ABI3BP: variants seen among roughly 807,000 people sequenced by gnomAD.
The protein encoded by ABI3BP is target of Nesh-SH3.
ABI3BP carries 216 observed loss-of-function variants against 268.6 expected under a neutral mutation model. That is an observed-to-expected ratio of 0.80 (90% CI 0.72 to 0.90). The LOEUF (loss-of-function observed/expected upper bound fraction) is 0.90, where lower values mean the gene tolerates loss of function less well. ABI3BP is among the 40% of genes least tolerant of loss of function. ABI3BP has a pLI of 0.00. For missense variants in ABI3BP, 2,090 were observed against 2,182.4 expected (o/e 0.96, Z 0.84); for synonymous variants, 730 against 730.0 (o/e 1.00, Z 0.00).
At chr3:100,768,870 G>A (rs1280877207) in intron 62 of ABI3BP, among the ~76,000 whole-genome samples, 2 of 152,200 alleles carry the variant, frequency 1.3e-5, no homozygotes, top group African/African-American at 4.8e-5. Context: ...CAAGGATCCA[G>A]GCTATGGCCA....
At chr3:100,818,933 T>A (rs554693951) in intron 40 of ABI3BP, among the ~76,000 whole-genome samples, 2 of 152,328 alleles carry the variant, frequency 1.3e-5, no homozygotes, top group South Asian at 4.1e-4. Context: ...TTGTGGAAGC[T>A]TTAACAGTGT....
Position 100,752,875 on chromosome 3 carries a change from A to G in ABI3BP, c.5034T>C (p.Tyr1678=), listed in dbSNP as rs772644041. 1.2e-6 allele frequency: 2 copies of G among 1,613,648 alleles called. No individual in the cohort carries two copies. Among genetic ancestry groups the G allele is most frequent in the South Asian group, 1.1e-5 (1 of 91,074 alleles). Residue 1678 remains tyrosine (Y), a synonymous_variant, in exon 66 of 68, where the codon TAT becomes TAC. Coordinates refer to ENST00000471714, the MANE Select transcript of ABI3BP (RefSeq NM_001375547.2). The part of the protein sequence containing the change: ...DSYSECKGKQ[Y]VKRTWYKKFV... ...ATTTTTTATACCATGTCCTTTTGAC[A>G]TATTGTTTGCCCTTACACTCTGAGT... is the stretch of plus-strand genomic sequence containing the variant.
chr3:100,875,741 G>A (rs759844412), intron 7 of ABI3BP, among the ~76,000 whole-genome samples, 162 bp from the exon 8 acceptor site: 1 of 152,130 alleles, frequency 6.6e-6, no homozygotes, highest in Non-Finnish European at 1.5e-5. Flanking sequence ...AGGATTGGAA[G>A]GCATACCTTA....
rs748429277 is a variant in ABI3BP, at chr3:100,850,052, C to T, written c.1494G>A (p.Thr498=). 12 of 1,610,888 alleles carry T rather than the reference C, an allele frequency of 7.4e-6. No homozygotes were observed. Among genetic ancestry groups the T allele is most frequent in the East Asian group, 6.7e-5 (3 of 44,780 alleles). ...ATAAATGTCATTAGTTACCAGGTGT[C>T]GTAGGCTGCATTTCTGGACTGGTAA... is the stretch of plus-strand genomic sequence containing the variant. ...EIFTSPEMQP[T]TPAPQQTTSI... is the part of the protein sequence containing the mutation. The change falls in exon 17 of 68, where the codon ACG becomes ACA. Residue 498 remains threonine (T), a synonymous_variant. Coordinates refer to ENST00000471714, the MANE Select transcript of ABI3BP (RefSeq NM_001375547.2).
At chr3:100,822,489 T>G in intron 38 of ABI3BP, 100 bp downstream of exon 38, 1 of 1,001,460 alleles carries the variant, frequency 1.0e-6, no homozygotes, top group Non-Finnish European at 1.5e-6. Flanking sequence ...AGCTTCCCTC[T>G]CACAGGGGCC....
At chr3:100,967,035 G>T (rs1362130734) in intron 1 of ABI3BP, among the ~76,000 whole-genome samples, 1 of 151,500 alleles carries the variant, frequency 6.6e-6, no homozygotes, top group Non-Finnish European at 1.5e-5. Flanking sequence ...ATGGTTAATT[G>T]ACTTAATGTT....
chr3:100,925,907 CT>C (rs2061664156), intron 2 of ABI3BP, among the ~76,000 whole-genome samples: 2 of 151,762 alleles, frequency 1.3e-5, no homozygotes, highest in South Asian at 4.2e-4. Context: ...AAATATAATA[CT>C]TTTTTTTAAA....
chr3:100,951,030 C>A (rs565225768), intron 1 of ABI3BP, among the ~76,000 whole-genome samples: 1 of 151,864 alleles, frequency 6.6e-6, no homozygotes, highest in African/African-American at 2.4e-5. Context: ...AACTGCTCAC[C>A]GGAGAGTAAC....
At chr3:100,854,193 A>AAAAC (rs2098908915) in intron 14 of ABI3BP, among the ~76,000 whole-genome samples, 1 of 151,440 alleles carries the variant, frequency 6.6e-6, no homozygotes, top group Admixed American at 6.6e-5. Flanking sequence ...TCTACTAAAA[A>AAAAC]AAAAAAAAAA....
chr3:100,893,930 G>A (rs1339718749), intron 4 of ABI3BP, among the ~76,000 whole-genome samples: 1 of 152,148 alleles, frequency 6.6e-6, no homozygotes, highest in Non-Finnish European at 1.5e-5. Context: ...GAGAAGAGAG[G>A]TAAAGATAAA....
intron 14 of ABI3BP, among the ~76,000 whole-genome samples, chr3:100,853,218 A>C (rs2098884802): frequency 6.6e-6 from 1 of 152,240 alleles, no homozygotes; most frequent in Admixed American, 6.5e-5. Flanking sequence ...ATTTCACAAA[A>C]TCCTCAAAAA....
chr3:100,915,684 A>G (rs1212779247), intron 2 of ABI3BP, among the ~76,000 whole-genome samples: 2 of 152,200 alleles, frequency 1.3e-5, no homozygotes, highest in Non-Finnish European at 2.9e-5. Context: ...ATAAGTTAAG[A>G]ATTCATGACA....
intron 6 of ABI3BP, among the ~76,000 whole-genome samples, chr3:100,879,226 A>G (rs1044205107): frequency 1.3e-5 from 2 of 151,986 alleles, no homozygotes; most frequent in African/African-American, 4.8e-5. Flanking sequence ...TGTGTTTGAC[A>G]CTTCTGAGAC....
At chr3:100,860,407 G>T (rs1274231737) in intron 14 of ABI3BP, among the ~76,000 whole-genome samples, 1 of 152,224 alleles carries the variant, frequency 6.6e-6, no homozygotes, top group Admixed American at 6.5e-5. Context: ...ACCTAAGGTT[G>T]CCCTGGCAGT....
chr3:100,752,818 T>A lies in ABI3BP; in HGVS notation c.5091A>T (p.Arg1697Ser), dbSNP rs1212624621. ...GGGAGTCGCTCAAGTAAATCTTGTA[T>A]CTGAGAGAGTTGCACAGCTGCACTC... is the stretch of plus-strand genomic sequence containing the variant. ...FVGVQLCNSL[R>S]YKIYLSDSLT... Residue 1697 changes from arginine to serine, a missense_variant, in exon 66 of 68, where the codon AGA becomes AGT. Arg to Ser is a moderately radical substitution (Grantham distance 110). Coordinates refer to ENST00000471714, the MANE Select transcript of ABI3BP (RefSeq NM_001375547.2). 6.2e-7 allele frequency: 1 copy of A among 1,613,312 alleles called. No homozygotes were observed. The highest frequency in any genetic ancestry group is 8.5e-7 in the Non-Finnish European group (1 of 1,179,694).
intron 57 of ABI3BP, among the ~76,000 whole-genome samples, chr3:100,780,824 C>T (rs1255233550): frequency 6.6e-6 from 1 of 152,142 alleles, no homozygotes; most frequent in African/African-American, 2.4e-5. Context: ...GATATTTTGT[C>T]TCCTAAGCCC....
chr3:100,872,156 T>A (rs1185436419), intron 9 of ABI3BP, among the ~76,000 whole-genome samples: 2 of 152,172 alleles, frequency 1.3e-5, no homozygotes, highest in Non-Finnish European at 2.9e-5. Context: ...TGTATTCAAT[T>A]TAAGATAGGC....
chr3:100,775,572 G>A (rs192366757), intron 59 of ABI3BP, among the ~76,000 whole-genome samples: 6 of 152,228 alleles, frequency 3.9e-5, no homozygotes, highest in Admixed American at 1.3e-4. Context: ...GAGGGGGCGC[G>A]TAAGAAGAGG....
At chr3:100,960,540 A>T (rs753080693) in intron 1 of ABI3BP, among the ~76,000 whole-genome samples, 5 of 152,206 alleles carry the variant, frequency 3.3e-5, no homozygotes, top group Non-Finnish European at 7.3e-5. Context: ...AGAATAAAGT[A>T]TGTTAAACAG....
Sources: allele counts gnomAD v4.1 joint callset (sites outside exome capture counted in the v4.1 genomes callset), GRCh38; gene constraint gnomAD v4.1.1; transcripts MANE v1.5; gene names NCBI Gene and HGNC (gene_info 2026-07-23, HGNC 2026-07-21).